The following CEP97 variants were observed in gnomAD, a reference collection of about 807,000 sequenced individuals.
CEP97 encodes the protein centrosomal protein 97.
A neutral mutation model predicts 73.1 loss-of-function variants in CEP97; 43 were observed. The ratio of observed to expected loss-of-function variants is 0.59; its 90% confidence interval spans 0.46 to 0.76. The LOEUF (loss-of-function observed/expected upper bound fraction) is 0.76, where lower values mean the gene tolerates loss of function less well. Ranked by LOEUF, CEP97 falls within the 30% of genes least tolerant of loss-of-function variation. The pLI is 0.00. For missense variants in CEP97, 939 were observed against 1,014.0 expected (o/e 0.93, Z 1.00); for synonymous variants, 337 against 370.0 (o/e 0.91, Z 1.02).
chr3:101,764,497 G>C (rs1347346779), intron 10 of CEP97, among the ~76,000 whole-genome samples: 2 of 152,026 alleles, frequency 1.3e-5, no homozygotes, highest in African/African-American at 4.8e-5. Context: ...TGTAATCCCA[G>C]CTACTTGGGA....
chr3:101,742,071 C>T (rs1443627800), intron 6 of CEP97, among the ~76,000 whole-genome samples: 1 of 147,468 alleles, frequency 6.8e-6, no homozygotes, highest in African/African-American at 2.5e-5. Flanking sequence ...AACAAAAAAA[C>T]AAAAAAAACA....
chr3:101,769,611 C>T lies in CEP97; in HGVS notation c.*4060C>T, dbSNP rs1939410347. On this transcript the variant is annotated 3_prime_UTR_variant, in exon 11 of 11. Coordinates refer to ENST00000341893, the MANE Select transcript of CEP97 (RefSeq NM_024548.4). ...GATTACAGGTGTGAGCCACTGTGCCCAGCCGAGACTTCATTGTTTAATGTA... is the reference window on the plus strand; with the variant it reads ...GATTACAGGTGTGAGCCACTGTGCCTAGCCGAGACTTCATTGTTTAATGTA... 6.6e-6 allele frequency: 1 copy of T among 152,026 alleles called. No homozygotes were observed. The highest frequency in any genetic ancestry group is 6.6e-5 in the Admixed American group (1 of 15,262). The allele number at this position is 152,026 out of a possible 1,614,324, so 9.4% of individuals were successfully genotyped here.
At chr3:101,753,903 G>C (rs1476097002) in intron 6 of CEP97, among the ~76,000 whole-genome samples, 1 of 152,176 alleles carries the variant, frequency 6.6e-6, no homozygotes. Context: ...ACGGTGCGCT[G>C]CACCCACTGT....
At chr3:101,730,159 G>A (rs555459938) in intron 4 of CEP97, among the ~76,000 whole-genome samples, 1 of 152,244 alleles carries the variant, frequency 6.6e-6, no homozygotes, top group East Asian at 1.9e-4. Flanking sequence ...CTGGACTCTA[G>A]CAGTCCTCCT....
At chr3:101,727,633 C>A in intron 3 of CEP97, 92 bp downstream of exon 3, 1 of 1,016,038 alleles carries the variant, frequency 9.8e-7, no homozygotes, top group Non-Finnish European at 1.4e-6. Flanking sequence ...TGAAAGTACC[C>A]ACTCCCACTC....
chr3:101,757,576 G>C, intron 8 of CEP97, 58 bp from the exon 9 acceptor site: 2 of 1,473,202 alleles, frequency 1.4e-6, no homozygotes, highest in Non-Finnish European at 1.8e-6. Flanking sequence ...TCATTAAAGG[G>C]ACATAACTAA....
chr3:101,758,651 T>C (rs977593791), intron 9 of CEP97: 5 of 531,834 alleles, frequency 9.4e-6, no homozygotes, highest in Non-Finnish European at 1.7e-5. Context: ...ATAGATGCAG[T>C]GTAGTAATAA....
intron 3 of CEP97, among the ~76,000 whole-genome samples, chr3:101,728,268 T>C: frequency 6.6e-6 from 1 of 151,578 alleles, no homozygotes; most frequent in Admixed American, 6.6e-5. Flanking sequence ...TTTTGTTTTT[T>C]TTTTTTTTTT....
chr3:101,738,868 C>A (rs1365088883), intron 6 of CEP97, among the ~76,000 whole-genome samples: 3 of 152,074 alleles, frequency 2.0e-5, no homozygotes, highest in Non-Finnish European at 4.4e-5. Flanking sequence ...ACACAAAAAA[C>A]CCTTCAAAAA....
chr3:101,735,153 A>C (rs1278510183), intron 6 of CEP97, among the ~76,000 whole-genome samples: 3 of 152,224 alleles, frequency 2.0e-5, no homozygotes, highest in Non-Finnish European at 2.9e-5. Context: ...AACTAAAGAG[A>C]GTGTCAAGAC....
chr3:101,735,105 A>C (rs1013849566), intron 6 of CEP97, among the ~76,000 whole-genome samples: 1 of 152,230 alleles, frequency 6.6e-6, no homozygotes, highest in African/African-American at 2.4e-5. Context: ...AAATGATATT[A>C]TATAAGGATA....
At chr3:101,758,713 G>A (rs531053413) in intron 9 of CEP97, 126 of 300,952 alleles carry the variant, frequency 4.2e-4, no homozygotes, top group African/African-American at 2.4e-3. Flanking sequence ...AACATAGAAA[G>A]GTACAGAAAA....
At position 101,763,784 on chromosome 3, in the gene CEP97, TG is replaced by T. The variant is rs1939233910; in HGVS notation, c.1894-1060del. ...ATACTTAAAAACTGTAATCTCTACCTGGGTATCTAAAATGAGACTTATTTTA... is the reference window on the plus strand; with the variant it reads ...ATACTTAAAAACTGTAATCTCTACCTGGTATCTAAAATGAGACTTATTTTA... On this transcript the variant is annotated intron_variant, in intron 10 of 10. Coordinates refer to ENST00000341893, the MANE Select transcript of CEP97 (RefSeq NM_024548.4). Among the ~76,000 whole-genome samples the T allele has an allele frequency of 5.9e-5, 9 of 152,312 alleles. No individual in the cohort carries two copies. In the South Asian group the frequency reaches 1.9e-3, roughly 32 times the overall value.
At chr3:101,761,263 A>G (rs1333696742) in intron 9 of CEP97, among the ~76,000 whole-genome samples, 1 of 152,184 alleles carries the variant, frequency 6.6e-6, no homozygotes, top group Non-Finnish European at 1.5e-5. Context: ...TACAACAGCA[A>G]GTGAACTGGG....
chr3:101,756,142 C>A (rs1938998693), intron 7 of CEP97, among the ~76,000 whole-genome samples: 1 of 151,774 alleles, frequency 6.6e-6, no homozygotes, highest in Non-Finnish European at 1.5e-5. Context: ...CTCATTGCAA[C>A]CTCCATCTCC....
Position 101,769,481 on chromosome 3 carries a change from T to A in CEP97, c.*3930T>A, listed in dbSNP as rs1453863158. 6.6e-6 allele frequency: 1 copy of A among 151,948 alleles called. No homozygotes were observed. Among genetic ancestry groups the A allele is most frequent in the Non-Finnish European group, 1.5e-5 (1 of 67,984 alleles). 9.4% of individuals were successfully genotyped at this position (151,948 alleles called of 1,614,324 possible). ...GTGTGCAACCACAAGGCTCGGCTAA[T>A]TTTTTTGTATTTTTAGTAGAGATGG... On this transcript the variant is annotated 3_prime_UTR_variant, in exon 11 of 11. Coordinates refer to ENST00000341893, the MANE Select transcript of CEP97 (RefSeq NM_024548.4).
At chr3:101,727,803 T>C (rs918342200) in intron 3 of CEP97, among the ~76,000 whole-genome samples, 2 of 152,242 alleles carry the variant, frequency 1.3e-5, no homozygotes, top group Admixed American at 6.5e-5. Flanking sequence ...TATATCATGC[T>C]GAATTAAGCT....
intron 10 of CEP97, chr3:101,763,223 G>A: frequency 8.3e-7 from 1 of 1,206,978 alleles, no homozygotes. Context: ...GTTATAATAG[G>A]ATTTGACCTA....
At chr3:101,748,865 C>A (rs1002747141) in intron 6 of CEP97, among the ~76,000 whole-genome samples, 6 of 152,162 alleles carry the variant, frequency 3.9e-5, no homozygotes, top group Non-Finnish European at 8.8e-5. Flanking sequence ...TGGTCTCAAT[C>A]TCCTGACCTC....
Sources: gnomAD v4.1 joint callset for allele counts (sites outside exome capture counted in the v4.1 genomes callset) on GRCh38, gnomAD v4.1.1 for gene constraint, MANE v1.5 for transcripts, NCBI Gene and HGNC (gene_info 2026-07-23, HGNC 2026-07-21) for gene names.